The following SEL1L3 variants were observed in gnomAD, a reference collection of about 807,000 sequenced individuals.
SEL1L3 encodes the protein protein sel-1 homolog 3.
SEL1L3 carries 76 observed loss-of-function variants against 142.8 expected under a neutral mutation model. The ratio of observed to expected loss-of-function variants is 0.53; its 90% CI spans 0.44 to 0.64. SEL1L3 has a LOEUF of 0.64. Among genes scored for constraint, SEL1L3 ranks in the 30% least tolerant of loss-of-function variants. The probability of loss-of-function intolerance (pLI) is 0.00; values close to 1 mark genes in which losing one functional copy is unlikely to be tolerated. For missense variants in SEL1L3, 1,262 were observed against 1,381.7 expected (o/e 0.91, Z 1.37); for synonymous variants, 504 against 519.6 (o/e 0.97, Z 0.41).
chr4:25,842,744 G>T lies in SEL1L3; in HGVS notation c.733+4550C>A, dbSNP rs1279750640. On this transcript the variant is annotated intron_variant, in intron 2 of 23. Coordinates refer to ENST00000399878, the MANE Select transcript of SEL1L3 (RefSeq NM_015187.5). ...ATTCAATCAACAAGTAGTCATGAGT[G>T]CAGGGGCCTATGATCAGCATCAGAA... 2.6e-5 allele frequency among the ~76,000 whole-genome samples: 4 copies of T among 152,264 alleles called. No homozygotes were observed. In the East Asian group the frequency reaches 7.7e-4, roughly 29 times the overall value.
At chr4:25,810,303 C>T (rs989169630) in intron 9 of SEL1L3, among the ~76,000 whole-genome samples, 1 of 152,204 alleles carries the variant, frequency 6.6e-6, no homozygotes. Context: ...GTCACCTGTT[C>T]AGTGCCTTTG....
chr4:25,824,722 C>G (rs759621248), intron 6 of SEL1L3, among the ~76,000 whole-genome samples: 3 of 152,152 alleles, frequency 2.0e-5, no homozygotes, highest in Non-Finnish European at 4.4e-5. Flanking sequence ...TGAGCCCAAA[C>G]AGTTAATATC....
chr4:25,731,145 T>C, the SEL1L3 span, among the ~76,000 whole-genome samples: 2 of 152,202 alleles, frequency 1.3e-5, no homozygotes, highest in African/African-American at 4.8e-5. Context: ...TTAAAACACA[T>C]TGCTTTAATA....
chr4:25,822,975 A>G (rs1422052160), intron 6 of SEL1L3, among the ~76,000 whole-genome samples: 2 of 152,170 alleles, frequency 1.3e-5, no homozygotes, highest in Non-Finnish European at 2.9e-5. Context: ...GTGTTAAGTA[A>G]AAAAAATAAA....
intron 1 of SEL1L3, 58 bp downstream of exon 1, chr4:25,862,617 A>G: frequency 1.0e-6 from 1 of 995,852 alleles, no homozygotes; most frequent in South Asian, 4.2e-5. Flanking sequence ...GGCCGCCCCC[A>G]CCCGCGTCCC....
rs987739290 is a variant in SEL1L3 at position 25,788,466 on chromosome 4, T to C, written c.2077-102A>G. 94 of 1,228,880 alleles carry C rather than the reference T, an allele frequency of 7.6e-5. No homozygotes were observed. Among genetic ancestry groups the C allele is most frequent in the Non-Finnish European group, 9.9e-5 (87 of 875,750 alleles). The allele number at this position is 1,228,880 out of a possible 1,614,324, so 76.1% of individuals were successfully genotyped here. A position where few individuals can be genotyped will look rare whatever the true frequency, so the allele number is the denominator to read the frequency against. On this transcript the variant is annotated intron_variant, in intron 12 of 23. Transcript: ENST00000399878. This position sits in a 1 kb window ranked among gnomAD's most constrained non-coding sequence, Gnocchi z 5.3. ...CAAACCTACTTTACGATGTTTTAGA[T>C]TGAGAACCAAGGATTAGATACACTT...
the SEL1L3 span, among the ~76,000 whole-genome samples, chr4:25,716,941 A>C: frequency 1.3e-5 from 2 of 152,122 alleles, no homozygotes; most frequent in Non-Finnish European, 2.9e-5. Flanking sequence ...AGCCTGGTCA[A>C]CATGGTGAAA....
intron 7 of SEL1L3, 48 bp from the exon 8 acceptor site, chr4:25,819,988 T>C (rs1342576717): frequency 1.3e-6 from 2 of 1,564,636 alleles, no homozygotes; most frequent in Admixed American, 3.6e-5. Context: ...TCATCAAATA[T>C]CCATCCACCT....
rs549415831 is a variant in SEL1L3 at position 25,774,243 on chromosome 4, T to G, written c.2669+2034A>C. Among the ~76,000 whole-genome samples the G allele has an allele frequency of 4.6e-5, 7 of 152,306 alleles. No individual in the cohort carries two copies. The South Asian group carries it at 1.4e-3, about 32-fold the overall frequency. On this transcript the variant is annotated intron_variant, in intron 17 of 23. Coordinates refer to ENST00000399878, the MANE Select transcript of SEL1L3 (RefSeq NM_015187.5). ...ATAGAATATGGGCCACATGAGAACC[T>G]GCCTGCAGAAGAGATGAGGCAGCAA...
intron 2 of SEL1L3, among the ~76,000 whole-genome samples, chr4:25,846,115 C>T (rs149579011): frequency 6.6e-6 from 1 of 152,276 alleles, no homozygotes; most frequent in Non-Finnish European, 1.5e-5. Flanking sequence ...GGGAGGGCTC[C>T]CCACTGAGGG....
rs1713918105 is a variant in SEL1L3, at chr4:25,810,116, T to C, written c.1565-5364A>G. ...GAGCCCAACCTTGGACCTGGCCCCATCCCAGAGAACCATTTGTTGGCAGAC... is the reference window on the plus strand; with the variant it reads ...GAGCCCAACCTTGGACCTGGCCCCACCCCAGAGAACCATTTGTTGGCAGAC... On this transcript the variant is annotated intron_variant, in intron 9 of 23. Coordinates refer to ENST00000399878, the MANE Select transcript of SEL1L3 (RefSeq NM_015187.5). Among the ~76,000 whole-genome samples, 7 of 152,206 alleles carry C rather than the reference T, an allele frequency of 4.6e-5. No homozygotes were observed. In the South Asian group the frequency reaches 1.2e-3, roughly 27 times the overall value.
intron 11 of SEL1L3, among the ~76,000 whole-genome samples, chr4:25,794,892 C>A (rs112284562): frequency 0.21 from 32,198 of 152,008 alleles, 3,586 homozygotes; most frequent in Middle Eastern, 0.3. Context: ...GGAATGAGAT[C>A]ATGTCCTCTG....
the SEL1L3 span, among the ~76,000 whole-genome samples, chr4:25,729,207 A>G: frequency 6.6e-6 from 1 of 152,188 alleles, no homozygotes; most frequent in Non-Finnish European, 1.5e-5. Flanking sequence ...ATAAATGACC[A>G]CCAACCATGC....
intron 2 of SEL1L3, among the ~76,000 whole-genome samples, chr4:25,837,121 T>A (rs1715882389): frequency 6.6e-6 from 1 of 151,944 alleles, no homozygotes; most frequent in East Asian, 1.9e-4. Context: ...CTGGACTTGC[T>A]GGTCTATGAC....
At chr4:25,797,343 T>A (rs1446661391) in intron 11 of SEL1L3, among the ~76,000 whole-genome samples, 1 of 152,132 alleles carries the variant, frequency 6.6e-6, no homozygotes, top group African/African-American at 2.4e-5. Context: ...AGCCTGCACT[T>A]CAACCGCTCA....
chr4:25,793,427 G>C (rs1225519101), intron 11 of SEL1L3, among the ~76,000 whole-genome samples: 2 of 151,982 alleles, frequency 1.3e-5, no homozygotes, highest in African/African-American at 4.8e-5. Context: ...GAGACCACAG[G>C]CATGCACCAC....
rs1717841591 is a variant in SEL1L3, at chr4:25,862,951, C to T, written c.-115G>A. On this transcript the variant is annotated 5_prime_UTR_variant, in exon 1 of 24. Transcript: ENST00000399878. ...CCGGGCCGGCCGCCGCGCGCGGGGC[C>T]ACCTGCCGCCACCTCCGGACCCGCC... 1.5e-6 allele frequency: 1 copy of T among 652,982 alleles called. No homozygotes were observed. The allele number at this position is 652,982 out of a possible 1,614,324, so 40.4% of individuals were successfully genotyped here. A position where few individuals can be genotyped will look rare whatever the true frequency, so the allele number is the denominator to read the frequency against.
intron 15 of SEL1L3, 85 bp downstream of exon 15, chr4:25,782,157 G>T: frequency 8.3e-7 from 1 of 1,203,856 alleles, no homozygotes; most frequent in Non-Finnish European, 1.2e-6. Context: ...CTGGGGTTGG[G>T]TCTGGTGCAC....
At chr4:25,844,153 G>A (rs369726637) in intron 2 of SEL1L3, among the ~76,000 whole-genome samples, 10 of 152,284 alleles carry the variant, frequency 6.6e-5, no homozygotes, top group African/African-American at 2.4e-4. Context: ...CCTCACTAAT[G>A]CCATCTTGTT....
Sources: gnomAD v4.1 joint callset for allele counts (sites outside exome capture counted in the v4.1 genomes callset) on GRCh38, gnomAD v4.1.1 for gene constraint, Gnocchi (gnomAD v3.1) non-coding constraint, MANE v1.5 for transcripts, NCBI Gene and HGNC (gene_info 2026-07-23, HGNC 2026-07-21) for gene names.